PPM1L: variants seen among roughly 807,000 people sequenced by gnomAD.
PPM1L encodes the protein protein phosphatase 1L.
A neutral mutation model predicts 31.4 loss-of-function variants in PPM1L; 13 were observed. That is an observed-to-expected ratio of 0.41 (90% CI 0.27 to 0.66). The LOEUF is 0.66. PPM1L is among the 30% of genes least tolerant of loss of function. The pLI is 0.29. For synonymous variants in PPM1L, 184 were observed against 175.4 expected (o/e 1.05, Z -0.39); for missense variants, 326 against 453.7 (o/e 0.72, Z 2.56).
chr3:160,924,386 C>T (rs1440512089), intron 1 of PPM1L, among the ~76,000 whole-genome samples: 1 of 152,158 alleles, frequency 6.6e-6, no homozygotes, highest in Admixed American at 6.6e-5. Context: ...TGTTCTCTCT[C>T]TTTTTATCTG....
At chr3:160,947,575 G>T (rs1214174458) in intron 1 of PPM1L, among the ~76,000 whole-genome samples, 20 of 152,008 alleles carry the variant, frequency 1.3e-4, no homozygotes, top group Admixed American at 1.3e-3. Context: ...TCTCATCAAA[G>T]AATCTTGTTC....
At chr3:160,998,337 G>A (rs1041684915) in intron 2 of PPM1L, among the ~76,000 whole-genome samples, 3 of 152,156 alleles carry the variant, frequency 2.0e-5, no homozygotes, top group African/African-American at 7.2e-5. Context: ...AGTTGTTAAT[G>A]TTTTTATTAA....
chr3:160,885,961 G>C (rs1007513030), intron 1 of PPM1L, among the ~76,000 whole-genome samples: 1 of 152,182 alleles, frequency 6.6e-6, no homozygotes, highest in Non-Finnish European at 1.5e-5. Flanking sequence ...CTCCCTGGGT[G>C]GGGGAAGGGC....
chr3:160,875,049 A>G (rs1355834805), intron 1 of PPM1L, among the ~76,000 whole-genome samples: 1 of 152,166 alleles, frequency 6.6e-6, no homozygotes, highest in Non-Finnish European at 1.5e-5. Context: ...AACAAAATGA[A>G]CATTGTTATT....
chr3:161,078,649 AAC>A lies in PPM1L; in HGVS notation c.*9496_*9497del, dbSNP rs1720185107. 1.3e-5 allele frequency: 2 copies of A among 152,214 alleles called. No individual in the cohort carries two copies. Among genetic ancestry groups the A allele is most frequent in the Non-Finnish European group, 2.9e-5 (2 of 68,052 alleles). The allele number at this position is 152,214 out of a possible 1,614,324, so 9.4% of individuals were successfully genotyped here. Reference sequence around the variant, plus strand: ...GTATTTGTCTCTAAGAGACATTTGAAACACAGTTACAATGTCAATTTGGTGTA... The same window carrying A: ...GTATTTGTCTCTAAGAGACATTTGAAACAGTTACAATGTCAATTTGGTGTA... On this transcript the variant is annotated 3_prime_UTR_variant, in exon 4 of 4. Coordinates refer to ENST00000498165, the MANE Select transcript of PPM1L (RefSeq NM_139245.4).
At chr3:161,023,310 A>G (rs181336775) in intron 2 of PPM1L, among the ~76,000 whole-genome samples, 23 of 151,928 alleles carry the variant, frequency 1.5e-4, no homozygotes, top group African/African-American at 3.6e-4. Flanking sequence ...TATTTCTTCA[A>G]ATATTCTTTT....
chr3:160,836,229 AAG>A (rs1416378294), intron 1 of PPM1L, among the ~76,000 whole-genome samples: 2 of 151,978 alleles, frequency 1.3e-5, no homozygotes, highest in African/African-American at 4.8e-5. Flanking sequence ...GAAGGAAAGG[AAG>A]AGAGAGTATT....
At chr3:160,831,812 G>A (rs976193413) in intron 1 of PPM1L, among the ~76,000 whole-genome samples, 5 of 152,128 alleles carry the variant, frequency 3.3e-5, no homozygotes, top group Admixed American at 6.6e-5. Context: ...TCTGAGATTT[G>A]GTTTTCTCAT....
chr3:160,762,730 T>C (rs113115118), intron 1 of PPM1L, among the ~76,000 whole-genome samples: 2,495 of 152,148 alleles, frequency 0.016, 61 homozygotes, highest in African/African-American at 0.057. Flanking sequence ...GGGAAGATGA[T>C]ATTAGAGATT....
intron 2 of PPM1L, among the ~76,000 whole-genome samples, chr3:160,968,417 T>A (rs1460354871): frequency 3.3e-5 from 5 of 152,218 alleles, no homozygotes; most frequent in African/African-American, 9.6e-5. Context: ...AATAGCATTT[T>A]ACACTGTCCA....
At chr3:160,943,183 G>T (rs78037848) in intron 1 of PPM1L, among the ~76,000 whole-genome samples, 3 of 152,144 alleles carry the variant, frequency 2.0e-5, no homozygotes, top group African/African-American at 7.2e-5. Flanking sequence ...AGGGTAATGT[G>T]CTGTGGAAAC....
chr3:160,961,341 C>T (rs1293994362), intron 1 of PPM1L, among the ~76,000 whole-genome samples: 2 of 151,996 alleles, frequency 1.3e-5, no homozygotes, highest in African/African-American at 4.8e-5. Context: ...ATGTGGATGC[C>T]GTAGCATGGA....
chr3:161,016,640 C>T (rs1718095230), intron 2 of PPM1L, among the ~76,000 whole-genome samples: 1 of 152,060 alleles, frequency 6.6e-6, no homozygotes, highest in Non-Finnish European at 1.5e-5. Context: ...TCATCATGTT[C>T]CTATTAGAGG....
chr3:160,950,468 C>T (rs2108097541), intron 1 of PPM1L, among the ~76,000 whole-genome samples: 1 of 152,304 alleles, frequency 6.6e-6, no homozygotes, highest in Non-Finnish European at 1.5e-5. Context: ...CCCAACTACA[C>T]ATACAAGGAG....
intron 1 of PPM1L, among the ~76,000 whole-genome samples, chr3:160,949,649 G>A (rs975186182): frequency 1.3e-5 from 2 of 152,074 alleles, no homozygotes; most frequent in African/African-American, 2.4e-5. Context: ...TTCTGCCATC[G>A]TGCCTACATT....
chr3:160,834,995 G>C (rs756482570), intron 1 of PPM1L, among the ~76,000 whole-genome samples: 8 of 150,090 alleles, frequency 5.3e-5, no homozygotes, highest in Non-Finnish European at 8.8e-5. Flanking sequence ...AGTCTTAGGA[G>C]AAACTGACAA....
intron 1 of PPM1L, among the ~76,000 whole-genome samples, chr3:160,919,850 A>G (rs765895705): frequency 6.6e-6 from 1 of 152,192 alleles, no homozygotes; most frequent in Non-Finnish European, 1.5e-5. Flanking sequence ...TGGGCTCAAT[A>G]AAACATTTTG....
At chr3:160,967,390 G>T (rs1282378688) in intron 2 of PPM1L, among the ~76,000 whole-genome samples, 1 of 151,958 alleles carries the variant, frequency 6.6e-6, no homozygotes. Flanking sequence ...ATTTCTCACA[G>T]TTCTGTAGGC....
At chr3:160,939,121 A>G (rs1228944634) in intron 1 of PPM1L, among the ~76,000 whole-genome samples, 1 of 152,222 alleles carries the variant, frequency 6.6e-6, no homozygotes, top group Non-Finnish European at 1.5e-5. Flanking sequence ...AGAGTTTTCA[A>G]TAAATATTAG....
Sources: allele counts gnomAD v4.1 joint callset (sites outside exome capture counted in the v4.1 genomes callset), GRCh38; gene constraint gnomAD v4.1.1; transcripts MANE v1.5; gene names NCBI Gene and HGNC (gene_info 2026-07-23, HGNC 2026-07-21).